GRIK1: variants seen among roughly 807,000 people sequenced by gnomAD.
The protein encoded by GRIK1 is glutamate ionotropic receptor kainate type subunit 1, also known as glutamate receptor ionotropic, kainate 1.
GRIK1 carries 69 observed loss-of-function variants against 105.7 expected under a neutral mutation model. The ratio of observed to expected loss-of-function variants is 0.65; its 90% CI spans 0.54 to 0.80. The LOEUF is 0.80. Among genes scored for constraint, GRIK1 ranks in the 30% least tolerant of loss-of-function variants. The probability of loss-of-function intolerance (pLI) is 0.00; values close to 1 mark genes in which losing one functional copy is unlikely to be tolerated. For missense variants in GRIK1, 1,109 were observed against 1,167.3 expected (o/e 0.95, Z 0.73); for synonymous variants, 438 against 431.3 (o/e 1.02, Z -0.19).
At chr21:29,729,371 G>A (rs922093996) in intron 1 of GRIK1, among the ~76,000 whole-genome samples, 1 of 152,150 alleles carries the variant, frequency 6.6e-6, no homozygotes, top group Admixed American at 6.6e-5. Flanking sequence ...TTGGAAGCCT[G>A]CCCTATTGTT....
At chr21:29,865,647 T>C (rs76108548) in intron 1 of GRIK1, among the ~76,000 whole-genome samples, 350 of 152,370 alleles carry the variant, frequency 2.3e-3, no homozygotes, top group Non-Finnish European at 3.7e-3. Context: ...GGGGCATATA[T>C]GTGAGAAAAT....
intron 1 of GRIK1, among the ~76,000 whole-genome samples, chr21:29,764,928 C>T (rs938713217): frequency 6.6e-6 from 1 of 152,182 alleles, no homozygotes; most frequent in Admixed American, 6.5e-5. Flanking sequence ...TTTCAGTCTT[C>T]AATTCCCAGA....
chr21:29,637,018 C>A (rs1289044171), intron 7 of GRIK1, among the ~76,000 whole-genome samples: 1 of 152,136 alleles, frequency 6.6e-6, no homozygotes, highest in Admixed American at 6.5e-5. Context: ...CCCTTTCAAC[C>A]AAATTCTACT....
chr21:29,907,573 G>C (rs974539164), intron 1 of GRIK1, among the ~76,000 whole-genome samples: 1 of 152,012 alleles, frequency 6.6e-6, no homozygotes, highest in African/African-American at 2.4e-5. Flanking sequence ...TTCAGCTAAC[G>C]CATTTTAATC....
At chr21:29,570,268 C>T (rs944831026) in intron 14 of GRIK1, among the ~76,000 whole-genome samples, 6 of 151,876 alleles carry the variant, frequency 4.0e-5, no homozygotes, top group South Asian at 2.1e-4. Flanking sequence ...TTTTGGAGGC[C>T]GAAGCCGGTG....
At chr21:29,823,461 A>G (rs995355622) in intron 1 of GRIK1, among the ~76,000 whole-genome samples, 23 of 152,036 alleles carry the variant, frequency 1.5e-4, no homozygotes, top group African/African-American at 4.8e-4. Flanking sequence ...ATAAAATATA[A>G]TGTAAATATA....
intron 1 of GRIK1, among the ~76,000 whole-genome samples, chr21:29,853,256 T>C (rs1323433977): frequency 2.0e-5 from 3 of 152,238 alleles, no homozygotes; most frequent in Non-Finnish European, 4.4e-5. Flanking sequence ...AACATTTACA[T>C]AGCAGTACAG....
chr21:29,911,048 C>G (rs1450601391), intron 1 of GRIK1, among the ~76,000 whole-genome samples: 4 of 152,038 alleles, frequency 2.6e-5, no homozygotes, highest in Non-Finnish European at 5.9e-5. Flanking sequence ...GTAATAAATA[C>G]AGATAAGCCT....
intron 16 of GRIK1, among the ~76,000 whole-genome samples, chr21:29,550,135 A>AAAAT (rs1601083897): frequency 2.7e-5 from 4 of 147,884 alleles, no homozygotes; most frequent in Admixed American, 6.8e-5. Flanking sequence ...AAAAAAAAAA[A>AAAAT]GTGTGAAGAA....
At chr21:29,694,117 ATTTT>A (rs11434895) in intron 1 of GRIK1, 54 bp from the exon 2 acceptor site, 763 of 436,188 alleles carry the variant, frequency 1.7e-3, no homozygotes, top group Middle Eastern at 2.5e-3. Flanking sequence ...TTCACATGTA[ATTTT>A]TTTTTTTTTT....
chr21:29,631,213 G>A lies in GRIK1; in HGVS notation c.1098+11613C>T, dbSNP rs565953845. On this transcript the variant is annotated intron_variant, in intron 7 of 17. Transcript: ENST00000327783. The stretch of plus-strand genomic sequence containing the variant: ...TTCTAGGTGTATGGTCTCAAGCTGG[G>A]TTGTTGTTACAGATTGAATAATTGT... Among the ~76,000 whole-genome samples the A allele has an allele frequency of 7.9e-5, 12 of 152,284 alleles. No homozygotes were observed. The South Asian group carries it at 2.5e-3, about 32-fold the overall frequency.
chr21:29,855,052 A>G (rs2068422595), intron 1 of GRIK1, among the ~76,000 whole-genome samples: 1 of 152,232 alleles, frequency 6.6e-6, no homozygotes, highest in Non-Finnish European at 1.5e-5. Context: ...TGAGCTGTTG[A>G]GGGCACTTTG....
intron 4 of GRIK1, among the ~76,000 whole-genome samples, chr21:29,665,804 A>C (rs989086377): frequency 6.6e-6 from 1 of 152,254 alleles, no homozygotes; most frequent in Non-Finnish European, 1.5e-5. Flanking sequence ...TGTGAACATC[A>C]TACTCTGATC....
rs563167231 is a variant in GRIK1, at chr21:29,673,305, T to G, written c.545-141A>C. The G allele has an allele frequency of 1.5e-5, 8 of 543,270 alleles. No individual in the cohort carries two copies. The East Asian group carries it at 2.4e-4, about 17-fold the overall frequency. 33.7% of individuals were successfully genotyped at this position (543,270 alleles called of 1,614,324 possible). On this transcript the variant is annotated intron_variant, in intron 3 of 17. Transcript: ENST00000327783. ...AAGGTTACACTCCTGACTTCCCATT[T>G]GTCACTCATCTTCCTGTGGTGGATT...
At chr21:29,676,918 A>G (rs1462408192) in intron 3 of GRIK1, among the ~76,000 whole-genome samples, 2 of 152,322 alleles carry the variant, frequency 1.3e-5, no homozygotes, top group African/African-American at 4.8e-5. Flanking sequence ...TTTGCCAATA[A>G]TAATATTAGC....
intron 4 of GRIK1, among the ~76,000 whole-genome samples, chr21:29,665,880 C>T (rs1216418641): frequency 6.6e-6 from 1 of 152,134 alleles, no homozygotes; most frequent in Non-Finnish European, 1.5e-5. Context: ...ATGACAAAGA[C>T]TATTTTGAGA....
intron 1 of GRIK1, among the ~76,000 whole-genome samples, chr21:29,729,802 A>G (rs1045428225): frequency 6.6e-6 from 1 of 152,162 alleles, no homozygotes; most frequent in African/African-American, 2.4e-5. Context: ...GTGGATCTGT[A>G]TATTTTGAAT....
At chr21:29,573,708 G>A (rs908403016) in intron 14 of GRIK1, among the ~76,000 whole-genome samples, 1 of 152,076 alleles carries the variant, frequency 6.6e-6, no homozygotes, top group Non-Finnish European at 1.5e-5. Flanking sequence ...AATTAGCCAG[G>A]CATGGTAGCA....
intron 6 of GRIK1, among the ~76,000 whole-genome samples, chr21:29,644,386 A>G (rs1292783805): frequency 2.0e-5 from 3 of 152,220 alleles, no homozygotes; most frequent in African/African-American, 7.2e-5. Flanking sequence ...GGTTCCTGAC[A>G]CAGAAAAGTT....
Sources: gnomAD v4.1 joint callset for allele counts (sites outside exome capture counted in the v4.1 genomes callset) on GRCh38, gnomAD v4.1.1 for gene constraint, MANE v1.5 for transcripts, NCBI Gene and HGNC (gene_info 2026-07-23, HGNC 2026-07-21) for gene names.